Variants in FAM81B observed in about 807,000 individuals in gnomAD.
FAM81B encodes the protein family with sequence similarity 81 member B, also known as protein FAM81B.
FAM81B carries 60 observed loss-of-function variants against 58.7 expected under a neutral mutation model. The observed-to-expected ratio is 1.02, with a 90% confidence interval of 0.83 to 1.27. The LOEUF is 1.27. FAM81B is among the 50% of genes most tolerant of loss of function. The pLI is 0.00. For missense variants in FAM81B, 491 were observed against 522.0 expected, an observed-to-expected ratio of 0.94 and a Z score of 0.58; for synonymous variants, 189 against 179.6, an observed-to-expected ratio of 1.05 and a Z score of -0.42.
chr5:95,420,871 T>C (rs556681790), intron 5 of FAM81B, among the ~76,000 whole-genome samples: 1 of 152,224 alleles, frequency 6.6e-6, no homozygotes, highest in African/African-American at 2.4e-5. Flanking sequence ...TCAGCAAATA[T>C]GTGTAGGTAT....
intron 6 of FAM81B, among the ~76,000 whole-genome samples, chr5:95,429,913 T>G (rs1274367202): frequency 6.6e-6 from 1 of 152,212 alleles, no homozygotes; most frequent in Non-Finnish European, 1.5e-5. Context: ...TCTACTTTAA[T>G]CAAATGCCTT....
At chr5:95,414,309 T>A (rs1762482621) in intron 4 of FAM81B, 119 bp downstream of exon 4, 2 of 1,122,614 alleles carry the variant, frequency 1.8e-6, no homozygotes, top group Non-Finnish European at 2.5e-6. Flanking sequence ...ATTGCTTAAG[T>A]TTAGATGATT....
chr5:95,436,678 C>T lies in FAM81B; in HGVS notation c.787-122C>T, dbSNP rs1036299742. 16 of 715,666 alleles carry T rather than the reference C, an allele frequency of 2.2e-5. No homozygotes were observed. In the Admixed American group the frequency reaches 4.1e-4, roughly 18 times the overall value. 44.3% of individuals were successfully genotyped at this position (715,666 alleles called of 1,614,324 possible). A position where few individuals can be genotyped will look rare whatever the true frequency, so the allele number is the denominator to read the frequency against. ...CATGCTTTAGGTTCAAGTCTGTTTC[C>T]CAGCTCCTTAAAGGAATAAAGTATA... is the stretch of plus-strand genomic sequence containing the variant. On this transcript the variant is annotated intron_variant, in intron 6 of 9. Transcript: ENST00000283357.
intron 5 of FAM81B, among the ~76,000 whole-genome samples, chr5:95,426,656 G>C (rs1431651159): frequency 6.6e-6 from 1 of 152,150 alleles, no homozygotes; most frequent in African/African-American, 2.4e-5. Context: ...GGCACTCCTG[G>C]AGTCGTGTGG....
intron 7 of FAM81B, among the ~76,000 whole-genome samples, chr5:95,443,612 T>C (rs1206000060): frequency 6.6e-5 from 10 of 151,614 alleles, no homozygotes; most frequent in Non-Finnish European, 1.5e-4. Flanking sequence ...ATCATGTCCA[T>C]TATGTCCGGG....
rs755715633 is a variant in FAM81B, at chr5:95,448,288, T to C, written c.1049T>C (p.Met350Thr). 5.0e-6 allele frequency: 8 copies of C among 1,601,026 alleles called. No homozygotes were observed. Among genetic ancestry groups the C allele is most frequent in the Non-Finnish European group, 6.8e-6 (8 of 1,176,430 alleles). ...QEKLEKSENK[M>T]EEKLLQLSSK... is the part of the protein sequence containing the mutation. ...TTACAGGAAAAGTCTGAAAATAAAATGGAAGAAAAACTGCTGCAGCTTTCA... is the reference window on the plus strand; with the variant it reads ...TTACAGGAAAAGTCTGAAAATAAAACGGAAGAAAAACTGCTGCAGCTTTCA... The change falls in exon 9 of 10, where the codon ATG becomes ACG. Residue 350 changes from methionine (M) to threonine (T), a missense_variant. Physicochemically the swap from Met to Thr is moderately conservative, Grantham distance 81 (BLOSUM62 -1). Coordinates refer to ENST00000283357, the MANE Select transcript of FAM81B (RefSeq NM_152548.3).
intron 5 of FAM81B, 143 bp downstream of exon 5, chr5:95,420,545 C>A: frequency 8.2e-7 from 1 of 1,216,704 alleles, no homozygotes; most frequent in Non-Finnish European, 1.1e-6. Context: ...AGAAAGTGTA[C>A]CATAGAACTT....
At chr5:95,444,026 T>TG (rs1745460961) in intron 7 of FAM81B, among the ~76,000 whole-genome samples, 1 of 152,192 alleles carries the variant, frequency 6.6e-6, no homozygotes, top group Non-Finnish European at 1.5e-5. Flanking sequence ...CTTGATTATC[T>TG]GGGGATTTAC....
intron 9 of FAM81B, among the ~76,000 whole-genome samples, chr5:95,448,966 C>A (rs901019068): frequency 1.3e-5 from 2 of 152,086 alleles, no homozygotes; most frequent in African/African-American, 2.4e-5. Context: ...CTAATGGCAG[C>A]AGTGTCAAGC....
At chr5:95,432,754 T>C (rs749412589) in intron 6 of FAM81B, among the ~76,000 whole-genome samples, 5 of 152,036 alleles carry the variant, frequency 3.3e-5, no homozygotes, top group African/African-American at 4.8e-5. Flanking sequence ...TATTATTTTG[T>C]ATATTTGTGC....
At chr5:95,422,358 C>T (rs1762708866) in intron 5 of FAM81B, among the ~76,000 whole-genome samples, 1 of 150,646 alleles carries the variant, frequency 6.6e-6, no homozygotes, top group Non-Finnish European at 1.5e-5. Flanking sequence ...TTTATCAATA[C>T]CAAAGAAGTT....
chr5:95,445,103 C>A (rs1561316072), intron 7 of FAM81B, among the ~76,000 whole-genome samples: 1 of 151,970 alleles, frequency 6.6e-6, no homozygotes, highest in East Asian at 1.9e-4. Flanking sequence ...AATAATTAGC[C>A]CAAACACTTT....
chr5:95,426,932 C>T (rs1762855008), intron 5 of FAM81B, among the ~76,000 whole-genome samples: 1 of 152,134 alleles, frequency 6.6e-6, no homozygotes, highest in African/African-American at 2.4e-5. Flanking sequence ...GCCTGTAGTC[C>T]TAGCTACTCG....
intron 7 of FAM81B, among the ~76,000 whole-genome samples, chr5:95,437,111 T>C (rs141496422): frequency 2.4e-4 from 37 of 152,224 alleles, no homozygotes; most frequent in African/African-American, 7.9e-4. Context: ...AATCTTATCA[T>C]TCACTTTGAC....
chr5:95,437,024 A>G (rs1745132254), intron 7 of FAM81B, 118 bp downstream of exon 7: 1 of 684,708 alleles, frequency 1.5e-6, no homozygotes. Context: ...CAAGAAATAA[A>G]GCAGTGAACT....
At chr5:95,412,412 A>G (rs1291704030) in intron 3 of FAM81B, among the ~76,000 whole-genome samples, 1 of 152,194 alleles carries the variant, frequency 6.6e-6, no homozygotes, top group African/African-American at 2.4e-5. Context: ...GTGCATAATT[A>G]TATTTGAACC....
intron 6 of FAM81B, among the ~76,000 whole-genome samples, chr5:95,434,416 A>G (rs1745021031): frequency 6.6e-6 from 1 of 152,166 alleles, no homozygotes; most frequent in Non-Finnish European, 1.5e-5. Flanking sequence ...TCATGCTTCA[A>G]GTCATTCTGA....
intron 5 of FAM81B, among the ~76,000 whole-genome samples, chr5:95,426,998 G>T (rs575340560): frequency 1.3e-5 from 2 of 152,082 alleles, no homozygotes; most frequent in Admixed American, 6.5e-5. Flanking sequence ...GCAGTGAGCC[G>T]AGATTGTGCC....
intron 3 of FAM81B, among the ~76,000 whole-genome samples, chr5:95,403,969 T>C (rs1045180349): frequency 5.9e-5 from 9 of 152,154 alleles, no homozygotes; most frequent in Admixed American, 5.2e-4. Context: ...GTTGGGAGGG[T>C]AACCAATGGT....
Sources: gnomAD v4.1 joint callset for allele counts (sites outside exome capture counted in the v4.1 genomes callset) on GRCh38, gnomAD v4.1.1 for gene constraint, MANE v1.5 for transcripts, NCBI Gene and HGNC (gene_info 2026-07-23, HGNC 2026-07-21) for gene names.